Variants in SLC8A1 observed in about 807,000 individuals in gnomAD.
SLC8A1 encodes sodium/calcium exchanger 1.
Under a neutral mutation model 68.3 loss-of-function variants are expected in SLC8A1, and 18 were observed. The observed-to-expected ratio is 0.26, with a 90% confidence interval of 0.18 to 0.39. The LOEUF is 0.39. SLC8A1 is among the 10% of genes least tolerant of loss of function. The pLI, the probability that SLC8A1 is intolerant of heterozygous loss-of-function variation, is 1.00. For missense variants in SLC8A1, 985 were observed against 1,156.7 expected, an observed-to-expected ratio of 0.85 and a Z score of 2.15; for synonymous variants, 475 against 415.5, an observed-to-expected ratio of 1.14 and a Z score of -1.74.
At chr2:40,412,581 C>G (rs1302153305) in intron 2 of SLC8A1, among the ~76,000 whole-genome samples, 1 of 152,142 alleles carries the variant, frequency 6.6e-6, no homozygotes, top group East Asian at 1.9e-4. Context: ...CAGATTGTTT[C>G]CTTGCTAGAA....
intron 2 of SLC8A1, among the ~76,000 whole-genome samples, chr2:40,180,910 A>C (rs1459283075): frequency 6.6e-6 from 1 of 152,112 alleles, no homozygotes; most frequent in Admixed American, 6.6e-5. Flanking sequence ...TATTGTTTCT[A>C]ATCCTTGGTG....
chr2:40,294,214 G>T (rs2069889208), intron 2 of SLC8A1, among the ~76,000 whole-genome samples: 1 of 152,060 alleles, frequency 6.6e-6, no homozygotes, highest in Non-Finnish European at 1.5e-5. Flanking sequence ...TTTTAATGCA[G>T]CATCATTTTT....
chr2:40,403,823 C>T (rs1347241838), intron 2 of SLC8A1, among the ~76,000 whole-genome samples: 5 of 152,046 alleles, frequency 3.3e-5, no homozygotes, highest in South Asian at 4.1e-4. Flanking sequence ...GCATTGTCTC[C>T]GAAGGCAAGA....
intron 2 of SLC8A1, among the ~76,000 whole-genome samples, chr2:40,256,282 A>G (rs1162212301): frequency 3.9e-5 from 6 of 152,184 alleles, no homozygotes; most frequent in Admixed American, 3.3e-4. Context: ...TGTGGAATAT[A>G]AAATTCCTTT....
chr2:40,241,733 C>T (rs775280640), intron 2 of SLC8A1, among the ~76,000 whole-genome samples: 2 of 152,180 alleles, frequency 1.3e-5, no homozygotes, highest in Non-Finnish European at 2.9e-5. Context: ...GAATCCTCTA[C>T]TTTAGAAAAG....
At chr2:40,164,915 C>A in exon 5 of SLC8A1, 1 of 1,613,914 alleles carries the variant, frequency 6.2e-7, no homozygotes, top group Non-Finnish European at 8.5e-7. Context: ...CAGGATGGGG[C>A]GCCCCATTTC....
At chr2:40,175,281 G>A in intron 3 of SLC8A1, 1 of 1,612,884 alleles carries the variant, frequency 6.2e-7, no homozygotes, top group Non-Finnish European at 8.5e-7. Context: ...CAATAACAGG[G>A]CTGTGAAGGA....
intron 2 of SLC8A1, among the ~76,000 whole-genome samples, chr2:40,311,947 G>C (rs978905159): frequency 9.2e-5 from 14 of 152,088 alleles, no homozygotes; most frequent in Non-Finnish European, 1.0e-4. Context: ...ACTTGTGAAA[G>C]GAAACAAATG....
At chr2:40,477,376 C>G (rs1704353707) in intron 1 of SLC8A1, among the ~76,000 whole-genome samples, 1 of 152,134 alleles carries the variant, frequency 6.6e-6, no homozygotes, top group South Asian at 2.1e-4. Flanking sequence ...ATCCTATGTG[C>G]TTCTGGTTAT....
chr2:40,308,473 G>A (rs529199828), intron 2 of SLC8A1, among the ~76,000 whole-genome samples: 3 of 152,210 alleles, frequency 2.0e-5, no homozygotes, highest in Admixed American at 1.3e-4. Context: ...CAAAGACTTC[G>A]TGGTTTGAGG....
chr2:40,432,015 A>T (rs927665821), intron 1 of SLC8A1, among the ~76,000 whole-genome samples: 4 of 152,250 alleles, frequency 2.6e-5, no homozygotes, highest in Non-Finnish European at 4.4e-5. Flanking sequence ...AAAAGGCTGA[A>T]AAATAGAGGT....
chr2:40,180,112 T>C (rs1300059633), intron 2 of SLC8A1, among the ~76,000 whole-genome samples: 1 of 151,704 alleles, frequency 6.6e-6, no homozygotes, highest in Non-Finnish European at 1.5e-5. Context: ...AAAGCCACAA[T>C]CATCTTTTAA....
At chr2:40,487,873 C>G (rs948682242) in intron 1 of SLC8A1, among the ~76,000 whole-genome samples, 1 of 152,158 alleles carries the variant, frequency 6.6e-6, no homozygotes, top group Non-Finnish European at 1.5e-5. Flanking sequence ...ATCACTTTTT[C>G]ATGCTCCAGT....
chr2:40,238,219 C>A lies in SLC8A1; in HGVS notation c.1809-60364G>T, dbSNP rs1246242414. Among the ~76,000 whole-genome samples, 10 of 152,274 alleles carry A rather than the reference C, an allele frequency of 6.6e-5. No homozygotes were observed. In the East Asian group the frequency reaches 1.9e-3, roughly 29 times the overall value. ...CTCCCCCAGCCTCGCTGCCGCCTTG[C>A]AGTTTGATCTCAGACTGCTGTGCTA... On this transcript the variant is annotated intron_variant, in intron 2 of 7. Transcript: ENST00000406785.
chr2:40,311,245 C>G (rs1990607), intron 2 of SLC8A1, among the ~76,000 whole-genome samples: 33,439 of 151,830 alleles, frequency 0.22, 4,066 homozygotes, highest in East Asian at 0.37. Flanking sequence ...TGGTGTTCAA[C>G]AGAATTGTAA....
chr2:40,428,422 ACCAC>A (rs1697426375), intron 2 of SLC8A1, 47 bp downstream of exon 2: 1 of 1,348,442 alleles, frequency 7.4e-7, no homozygotes, highest in Non-Finnish European at 9.5e-7. Flanking sequence ...AACACACTGA[ACCAC>A]ACACACACAC....
intron 2 of SLC8A1, among the ~76,000 whole-genome samples, chr2:40,258,015 A>G (rs2064173492): frequency 6.6e-6 from 1 of 152,230 alleles, no homozygotes; most frequent in Admixed American, 6.5e-5. Context: ...ACAATATACC[A>G]GCGTGGGTGA....
chr2:40,390,038 T>C (rs893197145), intron 2 of SLC8A1, among the ~76,000 whole-genome samples: 1 of 152,036 alleles, frequency 6.6e-6, no homozygotes. Context: ...CTTTTTCTAA[T>C]GGCTGTATAA....
intron 2 of SLC8A1, among the ~76,000 whole-genome samples, chr2:40,405,477 A>C (rs1304924432): frequency 6.6e-6 from 1 of 152,210 alleles, no homozygotes; most frequent in Non-Finnish European, 1.5e-5. Context: ...TCATGATCTA[A>C]CAGTTGTCCG....
Sources: gnomAD v4.1 joint callset for allele counts (sites outside exome capture counted in the v4.1 genomes callset) on GRCh38, gnomAD v4.1.1 for gene constraint, MANE v1.5 for transcripts, NCBI Gene and HGNC (gene_info 2026-07-23, HGNC 2026-07-21) for gene names.